The following MYO6 variants were observed in gnomAD, a reference collection of about 807,000 sequenced individuals.
MYO6 encodes the protein myosin VI.
MYO6 carries 74 observed loss-of-function variants against 178.7 expected under a neutral mutation model. The observed-to-expected ratio is 0.41, with a 90% confidence interval of 0.34 to 0.50. The LOEUF is 0.50. Among genes scored for constraint, MYO6 ranks in the 20% least tolerant of loss-of-function variants. MYO6 has a pLI of 0.09. For missense variants in MYO6, 1,330 were observed against 1,547.4 expected (o/e 0.86, Z 2.36); for synonymous variants, 477 against 504.6 (o/e 0.95, Z 0.73).
At position 75,915,319 on chromosome 6, in the gene MYO6, G is replaced by C. The variant is rs1562323754; in HGVS notation, c.*307G>C. ...AGACTACCTTACATCCATCGTAATT[G>C]TTCTCTAGGAAAAGAGAACTTTTTT... On this transcript the variant is annotated 3_prime_UTR_variant, in exon 35 of 35. Coordinates refer to ENST00000369977, the MANE Select transcript of MYO6 (RefSeq NM_004999.4). The C allele has an allele frequency of 2.5e-6, 1 of 394,992 alleles. No individual in the cohort carries two copies. The highest frequency in any genetic ancestry group is 4.7e-6 in the Non-Finnish European group (1 of 211,784). 24.5% of individuals were successfully genotyped at this position (394,992 alleles called of 1,614,324 possible). A position where few individuals can be genotyped will look rare whatever the true frequency, so the allele number is the denominator to read the frequency against.
At position 75,914,866 on chromosome 6, in the gene MYO6, C is replaced by G. The variant is rs749828477; in HGVS notation, c.3712C>G (p.Arg1238Gly). The change falls in exon 35 of 35, where the codon CGG (arginine) becomes GGG (glycine). Residue 1238 changes from arginine to glycine, a missense_variant. Physicochemically the swap from Arg to Gly is moderately radical, Grantham distance 125 (BLOSUM62 -2). Around this residue, in one of 3 missense-constraint regions of MYO6, gnomAD observed 601 missense variants for 626.1 expected, o/e 0.96. Transcript: ENST00000369977. ...GAATCTTGAGGAGACTGGCCTGACT[C>G]GGAAGCGTGGTGCTGAGATCTTGCC... ...ELNLEETGLT[R>G]KRGAEILPRQ... 1.9e-6 allele frequency: 3 copies of G among 1,614,010 alleles called. No individual in the cohort carries two copies. In the African/African-American group the frequency reaches 4.0e-5, roughly 22 times the overall value.
At chr6:75,877,700 G>A (rs1409166445) in intron 20 of MYO6, among the ~76,000 whole-genome samples, 3 of 151,898 alleles carry the variant, frequency 2.0e-5, no homozygotes, top group East Asian at 1.9e-4. Context: ...GCTCTGCACC[G>A]AGAAGCCACT....
intron 11 of MYO6, among the ~76,000 whole-genome samples, chr6:75,853,878 A>G (rs1163679727): frequency 6.6e-6 from 1 of 152,184 alleles, no homozygotes; most frequent in East Asian, 1.9e-4. Flanking sequence ...ACACTATTCC[A>G]AGCATTTCAC....
intron 9 of MYO6, among the ~76,000 whole-genome samples, chr6:75,843,102 C>T (rs1184067102): frequency 6.6e-6 from 1 of 152,116 alleles, no homozygotes; most frequent in Non-Finnish European, 1.5e-5. Context: ...TCCACTTCCC[C>T]CAAATAATTC....
chr6:75,789,652 T>C (rs1235055631), intron 1 of MYO6, among the ~76,000 whole-genome samples: 1 of 152,174 alleles, frequency 6.6e-6, no homozygotes, highest in Non-Finnish European at 1.5e-5. Flanking sequence ...ATTGTACATA[T>C]TTATGGGGTA....
chr6:75,892,834 T>G, intron 28 of MYO6, 144 bp downstream of exon 28: 1 of 854,026 alleles, frequency 1.2e-6, no homozygotes, highest in East Asian at 2.7e-5. Flanking sequence ...TTTAAAATTA[T>G]TTGTATCGAC....
intron 7 of MYO6, among the ~76,000 whole-genome samples, chr6:75,838,806 T>C (rs1773912431): frequency 6.6e-6 from 1 of 151,512 alleles, no homozygotes; most frequent in Admixed American, 6.6e-5. Context: ...GGATTACAGG[T>C]GCCCACCACC....
At chr6:75,885,705 C>T (rs1315851693) in intron 23 of MYO6, among the ~76,000 whole-genome samples, 2 of 152,064 alleles carry the variant, frequency 1.3e-5, no homozygotes, top group Admixed American at 6.6e-5. Flanking sequence ...CTTGGCCTCC[C>T]GAAGTGCTGG....
chr6:75,807,398 T>A (rs1434965050), intron 1 of MYO6, among the ~76,000 whole-genome samples: 1 of 152,242 alleles, frequency 6.6e-6, no homozygotes, highest in Non-Finnish European at 1.5e-5. Flanking sequence ...GGTTCTGGTA[T>A]ATTTTCTTTG....
chr6:75,817,079 G>A (rs182310639), intron 1 of MYO6, among the ~76,000 whole-genome samples: 16 of 152,284 alleles, frequency 1.1e-4, no homozygotes, highest in Admixed American at 9.8e-4. Flanking sequence ...GCCGAGGCAG[G>A]CGGATCACGA....
intron 15 of MYO6, 78 bp from the exon 16 acceptor site, chr6:75,862,517 TG>T (rs1776288712): frequency 1.3e-5 from 17 of 1,284,260 alleles, no homozygotes; most frequent in Middle Eastern, 1.9e-4. Flanking sequence ...CCTTGAAATC[TG>T]TGATTAGTGA....
intron 1 of MYO6, among the ~76,000 whole-genome samples, chr6:75,776,323 A>G (rs185242910): frequency 6.6e-6 from 1 of 152,342 alleles, no homozygotes; most frequent in Admixed American, 6.5e-5. Context: ...AGAGGTGGTA[A>G]GATTGGGCTA....
chr6:75,865,820 T>C (rs1331272782), intron 16 of MYO6, among the ~76,000 whole-genome samples: 1 of 152,216 alleles, frequency 6.6e-6, no homozygotes, highest in Admixed American at 6.5e-5. Context: ...TTCAGGCTCC[T>C]TGTGTAAATA....
intron 11 of MYO6, among the ~76,000 whole-genome samples, chr6:75,850,296 T>C (rs563151391): frequency 4.4e-4 from 67 of 152,180 alleles, no homozygotes; most frequent in African/African-American, 1.6e-3. Flanking sequence ...AAAAGTGTTA[T>C]ATGCAAGACT....
chr6:75,787,724 CTCTCTCTA>C (rs1414169816), intron 1 of MYO6, among the ~76,000 whole-genome samples: 136 of 24,360 alleles, frequency 5.6e-3, no homozygotes, highest in South Asian at 9.4e-3. Context: ...CTCTCTCTCT[CTCTCTCTA>C]TATATATATA....
At chr6:75,899,709 T>TC (rs920247726) in intron 30 of MYO6, among the ~76,000 whole-genome samples, 3 of 151,492 alleles carry the variant, frequency 2.0e-5, no homozygotes, top group African/African-American at 7.3e-5. Flanking sequence ...ATTCTTTTTT[T>TC]TTTTTTTTCT....
chr6:75,840,106 T>C (rs1774064230), intron 7 of MYO6, among the ~76,000 whole-genome samples: 1 of 152,000 alleles, frequency 6.6e-6, no homozygotes, highest in Admixed American at 6.6e-5. Flanking sequence ...GCATAGTGGG[T>C]AATCAATAAA....
chr6:75,793,841 G>A (rs12191270), intron 1 of MYO6, among the ~76,000 whole-genome samples: 6,144 of 152,150 alleles, frequency 0.04, 197 homozygotes, highest in Non-Finnish European at 0.058. Context: ...TTACATAGTT[G>A]GGAACATCCC....
chr6:75,785,900 A>G (rs903411024), intron 1 of MYO6, among the ~76,000 whole-genome samples: 16 of 151,824 alleles, frequency 1.1e-4, no homozygotes, highest in African/African-American at 3.9e-4. Flanking sequence ...AAATATTTAT[A>G]TATTTATTTT....
Sources: gnomAD v4.1 joint callset for allele counts (sites outside exome capture counted in the v4.1 genomes callset) on GRCh38, gnomAD v4.1.1 for gene constraint, gnomAD v4.1.1 regional missense constraint, MANE v1.5 for transcripts, NCBI Gene and HGNC (gene_info 2026-07-23, HGNC 2026-07-21) for gene names.